The following TMOD1 variants were observed in gnomAD, a reference collection of about 807,000 sequenced individuals.
TMOD1 encodes the protein tropomodulin 1.
Under a neutral mutation model 40.6 loss-of-function variants are expected in TMOD1, and 17 were observed. That is an observed-to-expected ratio of 0.42 (90% CI 0.29 to 0.63). TMOD1 has a LOEUF of 0.63. Among genes scored for constraint, TMOD1 ranks in the 20% least tolerant of loss-of-function variants. The pLI, the probability that TMOD1 is intolerant of heterozygous loss-of-function variation, is 0.22. For synonymous variants in TMOD1, 181 were observed against 175.0 expected, an observed-to-expected ratio of 1.03 and a Z score of -0.27; for missense variants, 391 against 447.6, an observed-to-expected ratio of 0.87 and a Z score of 1.14.
At chr9:97,575,423 A>G (rs751267732) in intron 8 of TMOD1, among the ~76,000 whole-genome samples, 25 of 152,340 alleles carry the variant, frequency 1.6e-4, no homozygotes, top group Admixed American at 7.2e-4. Context: ...TCTTGCAGTC[A>G]GTGAGACCAA....
intron 8 of TMOD1, among the ~76,000 whole-genome samples, chr9:97,574,568 C>T (rs957606631): frequency 6.6e-6 from 1 of 152,254 alleles, no homozygotes; most frequent in Non-Finnish European, 1.5e-5. Flanking sequence ...GGGCGCAGGG[C>T]GCGGGACTGG....
Position 97,553,326 on chromosome 9 carries a change from A to G in TMOD1, c.323A>G (p.Glu108Gly), listed in dbSNP as rs1291697870. The part of the protein sequence containing the change: ...PKQKPLDPVL[E>G]SVTLEPELEE... ...CAGAAGCCACTGGATCCTGTGCTGGAAAGTGTGACGCTGGAACCGGAGCTG... is the reference window on the plus strand; with the variant it reads ...CAGAAGCCACTGGATCCTGTGCTGGGAAGTGTGACGCTGGAACCGGAGCTG... Residue 108 changes from glutamate (E) to glycine (G), a missense_variant, in exon 4 of 10, where the codon GAA becomes GGA. Glu to Gly is a moderately conservative substitution (Grantham distance 98, BLOSUM62 -2). Transcript: ENST00000259365. 8 of 1,614,194 alleles carry G rather than the reference A, an allele frequency of 5.0e-6. No individual in the cohort carries two copies. Among genetic ancestry groups the G allele is most frequent in the Admixed American group, 1.7e-5 (1 of 60,028 alleles).
intron 1 of TMOD1, among the ~76,000 whole-genome samples, chr9:97,517,176 A>T (rs1048968390): frequency 3.3e-5 from 5 of 151,986 alleles, no homozygotes; most frequent in African/African-American, 1.2e-4. Flanking sequence ...GCAAGACCTC[A>T]TCTCTACAAA....
intron 4 of TMOD1, among the ~76,000 whole-genome samples, chr9:97,561,183 A>G (rs6478264): frequency 0.96 from 146,491 of 152,356 alleles, 70,459 homozygotes; most frequent in East Asian, 1. Flanking sequence ...CAACACAATA[A>G]TCAGAACTCA....
intron 2 of TMOD1, among the ~76,000 whole-genome samples, chr9:97,541,456 T>TG (rs1830273947): frequency 6.6e-6 from 1 of 152,008 alleles, no homozygotes; most frequent in South Asian, 2.1e-4. Context: ...CCAAAAGTGC[T>TG]GAGATTACAG....
chr9:97,570,091 G>A (rs1207457833), intron 8 of TMOD1, among the ~76,000 whole-genome samples: 1 of 152,082 alleles, frequency 6.6e-6, no homozygotes, highest in Non-Finnish European at 1.5e-5. Flanking sequence ...CTTTTTTATT[G>A]TAAAACATGG....
chr9:97,564,002 T>C lies in TMOD1; in HGVS notation c.488-36T>C, dbSNP rs760773311. Reference sequence around the variant, plus strand: ...TGTTGGCAGAAAGTGAGCCCCTTGTTTCTGTGAGCCACCTCCCTTTCATCG... The same window carrying C: ...TGTTGGCAGAAAGTGAGCCCCTTGTCTCTGTGAGCCACCTCCCTTTCATCG... On this transcript the variant is annotated intron_variant, in intron 5 of 9. Coordinates refer to ENST00000259365, the MANE Select transcript of TMOD1 (RefSeq NM_003275.4). The C allele has an allele frequency of 7.5e-6, 12 of 1,596,578 alleles. No individual in the cohort carries two copies. The East Asian group carries it at 2.7e-4, about 36-fold the overall frequency.
chr9:97,551,136 G>A (rs2131252905), intron 3 of TMOD1, among the ~76,000 whole-genome samples: 1 of 150,740 alleles, frequency 6.6e-6, no homozygotes, highest in Non-Finnish European at 1.5e-5. Flanking sequence ...TGATGCTCCT[G>A]CCTCAGCCTC....
At chr9:97,536,241 C>G (rs1564235582) in intron 2 of TMOD1, among the ~76,000 whole-genome samples, 2 of 152,178 alleles carry the variant, frequency 1.3e-5, no homozygotes, top group South Asian at 4.1e-4. Context: ...ATAAAATCCT[C>G]AAGGCCAGTT....
rs563655055 is a variant in TMOD1, at chr9:97,543,215, C to G, written c.121-2970C>G. Among the ~76,000 whole-genome samples the G allele has an allele frequency of 3.1e-4, 47 of 152,356 alleles. No homozygotes were observed. In the South Asian group the frequency reaches 9.7e-3, roughly 32 times the overall value. ...CCCAGCATCTTACTGCCATTAAAAC[C>G]CTTTATGGTAATGAAAATCTGTAGG... On this transcript the variant is annotated intron_variant, in intron 2 of 9. Coordinates refer to ENST00000259365, the MANE Select transcript of TMOD1 (RefSeq NM_003275.4).
At chr9:97,506,458 G>A (rs372093917) in intron 1 of TMOD1, among the ~76,000 whole-genome samples, 1 of 152,200 alleles carries the variant, frequency 6.6e-6, no homozygotes, top group African/African-American at 2.4e-5. Context: ...TGAAGGCTCT[G>A]TGATAACCAG....
At chr9:97,516,254 A>G (rs1163952836) in intron 1 of TMOD1, 1 of 152,084 alleles carries the variant, frequency 6.6e-6, no homozygotes, top group Admixed American at 6.5e-5. Flanking sequence ...TGAGATGTGC[A>G]GATGTCAGAT....
chr9:97,527,628 T>C (rs183626102), intron 2 of TMOD1, among the ~76,000 whole-genome samples: 1 of 151,296 alleles, frequency 6.6e-6, no homozygotes, highest in African/African-American at 2.4e-5. Flanking sequence ...GAAAGAGGGG[T>C]TGGGATAGAT....
chr9:97,520,446 C>T (rs571482071), intron 1 of TMOD1, among the ~76,000 whole-genome samples: 1 of 152,328 alleles, frequency 6.6e-6, no homozygotes, highest in Admixed American at 6.5e-5. Flanking sequence ...CCCTCCCACC[C>T]TGTGTCTTCC....
chr9:97,586,691 G>A (rs12349752), intron 8 of TMOD1, among the ~76,000 whole-genome samples: 11,170 of 149,354 alleles, frequency 0.075, 418 homozygotes, highest in African/African-American at 0.09. Flanking sequence ...AGCCAGGTGC[G>A]GGATATAATC....
At chr9:97,535,714 A>G (rs1274321318) in intron 2 of TMOD1, among the ~76,000 whole-genome samples, 2 of 152,244 alleles carry the variant, frequency 1.3e-5, no homozygotes, top group African/African-American at 4.8e-5. Flanking sequence ...TGAATACCAG[A>G]GAGAGACTGT....
Position 97,524,210 on chromosome 9 carries a change from G to C in TMOD1, c.22G>C (p.Glu8Gln), listed in dbSNP as rs1320344016. Residue 8 changes from glutamate (E) to glutamine (Q), a missense_variant, in exon 2 of 10, where the codon GAG becomes CAG. Glu to Gln is a conservative substitution (Grantham distance 29). Transcript: ENST00000259365. ...CACGATGTCGTACAGACGAGAACTA[G>C]AGAAATACCGTGACCTGGATGAAGA... is the stretch of plus-strand genomic sequence containing the variant. MSYRREL[E>Q]KYRDLDEDEI... is the part of the protein sequence containing the mutation. The C allele has an allele frequency of 1.9e-6, 3 of 1,614,122 alleles. No homozygotes were observed. Among genetic ancestry groups the C allele is most frequent in the Admixed American group, 1.7e-5 (1 of 60,024 alleles).
chr9:97,544,622 A>G (rs919454010), intron 2 of TMOD1, among the ~76,000 whole-genome samples: 2 of 152,168 alleles, frequency 1.3e-5, no homozygotes, highest in East Asian at 1.9e-4. Flanking sequence ...CCAGGCATAC[A>G]GTGATCTTCA....
At chr9:97,571,267 C>A (rs896541012) in intron 8 of TMOD1, among the ~76,000 whole-genome samples, 1 of 152,216 alleles carries the variant, frequency 6.6e-6, no homozygotes, top group African/African-American at 2.4e-5. Flanking sequence ...TGGCAGCTGC[C>A]AGGGAGTTGC....
Sources: gnomAD v4.1 joint callset for allele counts (sites outside exome capture counted in the v4.1 genomes callset) on GRCh38, gnomAD v4.1.1 for gene constraint, MANE v1.5 for transcripts, NCBI Gene and HGNC (gene_info 2026-07-23, HGNC 2026-07-21) for gene names.